Variants in ATP8A1 observed in about 807,000 individuals in gnomAD.
The protein encoded by ATP8A1 is phospholipid-transporting ATPase IA.
A neutral mutation model predicts 177.7 loss-of-function variants in ATP8A1; 90 were observed. That is an observed-to-expected ratio of 0.51 (90% CI 0.43 to 0.60). The LOEUF (loss-of-function observed/expected upper bound fraction) is 0.60. Ranked by LOEUF, ATP8A1 falls within the 20% of genes least tolerant of loss-of-function variation. ATP8A1 has a pLI of 0.00. For missense variants in ATP8A1, 1,072 were observed against 1,392.8 expected (o/e 0.77, Z 3.67); for synonymous variants, 493 against 485.9 (o/e 1.01, Z -0.19).
At chr4:42,603,230 C>T (rs1735477701) in intron 5 of ATP8A1, among the ~76,000 whole-genome samples, 2 of 152,112 alleles carry the variant, frequency 1.3e-5, no homozygotes, top group Non-Finnish European at 2.9e-5. Context: ...TCTTTCTGTA[C>T]TTATTTACAT....
At chr4:42,611,645 T>C (rs566903003) in intron 5 of ATP8A1, among the ~76,000 whole-genome samples, 1 of 152,320 alleles carries the variant, frequency 6.6e-6, no homozygotes, top group Non-Finnish European at 1.5e-5. Context: ...TGATTTTAGA[T>C]GAAGTTGTCA....
At chr4:42,651,001 A>C (rs1741035470) in intron 1 of ATP8A1, among the ~76,000 whole-genome samples, 1 of 152,158 alleles carries the variant, frequency 6.6e-6, no homozygotes, top group South Asian at 2.1e-4. Context: ...AGTAGGAGGA[A>C]ACTGAATCAT....
intron 27 of ATP8A1, among the ~76,000 whole-genome samples, chr4:42,461,275 T>C (rs1055727946): frequency 1.4e-5 from 2 of 138,640 alleles, no homozygotes; most frequent in African/African-American, 5.2e-5. Flanking sequence ...TTTTTGCTAA[T>C]GTGGCTTGCA....
chr4:42,599,203 A>T (rs1270398953), intron 6 of ATP8A1, among the ~76,000 whole-genome samples: 1 of 152,192 alleles, frequency 6.6e-6, no homozygotes, highest in Non-Finnish European at 1.5e-5. Context: ...AGCCTAGGTT[A>T]TTTATTAGCA....
At chr4:42,461,244 C>CTTTTTTTTTTTT (rs777847439) in intron 27 of ATP8A1, among the ~76,000 whole-genome samples, 10 of 84,548 alleles carry the variant, frequency 1.2e-4, no homozygotes, top group Non-Finnish European at 1.4e-4. Context: ...TCAATTTTTT[C>CTTTTTTTTTTTT]TTTCTTTTTT....
Position 42,544,932 on chromosome 4 carries a change from C to T in ATP8A1, c.1653-946G>A, listed in dbSNP as rs1222638569. The stretch of plus-strand genomic sequence containing the variant: ...ATTCTAGCACTTTGGGAGGCCGAGG[C>T]GGGCGGATCACAAGGTCAGGAGTTC... On this transcript the variant is annotated intron_variant, in intron 19 of 36. Transcript: ENST00000381668. Among the ~76,000 whole-genome samples the T allele has an allele frequency of 6.6e-5, 10 of 152,116 alleles. No homozygotes were observed. In the East Asian group the frequency reaches 7.7e-4, roughly 12 times the overall value.
Position 42,416,744 on chromosome 4 carries a change from A to G in ATP8A1, c.3306-2026T>C, listed in dbSNP as rs535775297. ...AGGGCAGTACTTAACTCTCAGGCAG[A>G]CTGTGAGGATGCAGGGAGCTGTCAG... is the stretch of plus-strand genomic sequence containing the variant. On this transcript the variant is annotated intron_variant, in intron 35 of 36. Transcript: ENST00000381668. Among the ~76,000 whole-genome samples, 33 of 152,140 alleles carry G rather than the reference A, an allele frequency of 2.2e-4. No individual in the cohort carries two copies. In the South Asian group the frequency reaches 2.9e-3, roughly 13 times the overall value.
intron 23 of ATP8A1, among the ~76,000 whole-genome samples, chr4:42,505,609 T>C (rs1389713700): frequency 6.6e-6 from 1 of 152,212 alleles, no homozygotes; most frequent in Non-Finnish European, 1.5e-5. Flanking sequence ...TTCTACTAGT[T>C]TTTAAAAAAT....
intron 21 of ATP8A1, among the ~76,000 whole-genome samples, chr4:42,522,934 A>G (rs910896115): frequency 6.6e-6 from 1 of 152,196 alleles, no homozygotes; most frequent in Non-Finnish European, 1.5e-5. Context: ...AGAGTTCTTC[A>G]GTACCAAGCA....
intron 33 of ATP8A1, among the ~76,000 whole-genome samples, chr4:42,432,094 C>A (rs2153170968): frequency 6.6e-6 from 1 of 152,254 alleles, no homozygotes; most frequent in East Asian, 1.9e-4. Context: ...CTCATCTCAC[C>A]CAATCTCAGT....
intron 33 of ATP8A1, among the ~76,000 whole-genome samples, chr4:42,435,126 C>A (rs1715766958): frequency 6.6e-6 from 1 of 152,222 alleles, no homozygotes; most frequent in South Asian, 2.1e-4. Context: ...TGATGGAATG[C>A]AAGAATTATG....
intron 5 of ATP8A1, among the ~76,000 whole-genome samples, chr4:42,611,355 C>G (rs1736350841): frequency 6.6e-6 from 1 of 152,136 alleles, no homozygotes; most frequent in Middle Eastern, 3.4e-3. Context: ...TGCTTTATTA[C>G]TTATTCTAAT....
At chr4:42,613,833 C>T (rs1736624040) in intron 5 of ATP8A1, among the ~76,000 whole-genome samples, 2 of 152,094 alleles carry the variant, frequency 1.3e-5, no homozygotes, top group African/African-American at 2.4e-5. Context: ...ATCCATCCGC[C>T]TCAGCCTCCC....
At chr4:42,640,495 G>A (rs1166577233) in intron 1 of ATP8A1, among the ~76,000 whole-genome samples, 2 of 152,180 alleles carry the variant, frequency 1.3e-5, no homozygotes, top group Non-Finnish European at 2.9e-5. Flanking sequence ...TGACTGGTGG[G>A]GATCAGTAAG....
chr4:42,489,943 A>G (rs1722577561), intron 24 of ATP8A1, among the ~76,000 whole-genome samples: 1 of 152,212 alleles, frequency 6.6e-6, no homozygotes, highest in South Asian at 2.1e-4. Context: ...ATGAAATAAA[A>G]GATCTCTATT....
chr4:42,462,346 T>C (rs1210014978), intron 27 of ATP8A1, among the ~76,000 whole-genome samples: 1 of 152,140 alleles, frequency 6.6e-6, no homozygotes, highest in Non-Finnish European at 1.5e-5. Context: ...CAGGGTACAC[T>C]CGTGCTGTGT....
intron 19 of ATP8A1, among the ~76,000 whole-genome samples, chr4:42,545,301 C>T (rs1000181781): frequency 6.6e-6 from 1 of 152,118 alleles, no homozygotes; most frequent in Non-Finnish European, 1.5e-5. Flanking sequence ...CCTATACATT[C>T]TACGTTAGCC....
Position 42,485,594 on chromosome 4 carries a change from A to G in ATP8A1, c.2226T>C (p.Leu742=). Reference sequence around the variant, plus strand: ...ATTTGAGGGTTTTCCCATCAATTATAAGAGCAAAATCATTCTCTTTCCGGA... The same window carrying G: ...ATTTGAGGGTTTTCCCATCAATTATGAGAGCAAAATCATTCTCTTTCCGGA... ...DALRKENDFA[L]IIDGKTLKYA... The change falls in exon 25 of 37, where the codon CTT becomes CTC. Residue 742 remains leucine, a synonymous_variant. Coordinates refer to ENST00000381668, the MANE Select transcript of ATP8A1 (RefSeq NM_006095.2). 1 of 1,613,752 alleles carries G rather than the reference A, an allele frequency of 6.2e-7. No individual in the cohort carries two copies.
chr4:42,567,475 G>A (rs973329245), intron 15 of ATP8A1, among the ~76,000 whole-genome samples: 55 of 152,292 alleles, frequency 3.6e-4, no homozygotes, highest in African/African-American at 1.1e-3. Flanking sequence ...GGAGGTGGAG[G>A]TTGCAGTGAG....
Sources: allele counts gnomAD v4.1 joint callset (sites outside exome capture counted in the v4.1 genomes callset), GRCh38; gene constraint gnomAD v4.1.1; transcripts MANE v1.5; gene names NCBI Gene and HGNC (gene_info 2026-07-23, HGNC 2026-07-21).